The following TRERF1 variants were observed in gnomAD, a reference collection of about 807,000 sequenced individuals.
TRERF1 encodes the protein transcriptional-regulating factor 1.
Under a neutral mutation model 122.9 loss-of-function variants are expected in TRERF1, and 27 were observed. The ratio of observed to expected loss-of-function variants is 0.22; its 90% confidence interval spans 0.16 to 0.30. TRERF1 has a LOEUF of 0.30. Among genes scored for constraint, TRERF1 ranks in the 10% least tolerant of loss-of-function variants. The pLI, the probability that TRERF1 is intolerant of heterozygous loss-of-function variation, is 1.00. For synonymous variants in TRERF1, 636 were observed against 641.7 expected (o/e 0.99, Z 0.13); for missense variants, 1,248 against 1,560.3 (o/e 0.80, Z 3.37).
chr6:42,255,074 A>G, intron 12 of TRERF1, 148 bp from the exon 13 acceptor site: 2 of 691,778 alleles, frequency 2.9e-6, no homozygotes, highest in Non-Finnish European at 5.1e-6. Context: ...GACTCCCCTA[A>G]CTAGGGTTTC....
chr6:42,417,551 G>A (rs1347229106), intron 2 of TRERF1, among the ~76,000 whole-genome samples: 1 of 152,212 alleles, frequency 6.6e-6, no homozygotes, highest in Non-Finnish European at 1.5e-5. Context: ...AAACAGTGCA[G>A]CAGAGAGTGG....
intron 2 of TRERF1, among the ~76,000 whole-genome samples, chr6:42,445,624 C>T (rs1314824315): frequency 6.6e-6 from 1 of 152,108 alleles, no homozygotes; most frequent in African/African-American, 2.4e-5. Context: ...CCTCCCTCTC[C>T]CAATCTTTCT....
At chr6:42,299,104 CTGTCTGTCTG>C (rs1785602678) in intron 4 of TRERF1, among the ~76,000 whole-genome samples, 1 of 115,632 alleles carries the variant, frequency 8.6e-6, no homozygotes, top group African/African-American at 3.9e-5. Context: ...ATCTGTCTGT[CTGTCTGTCTG>C]TCTCTATCTA....
chr6:42,413,257 G>T (rs572956197), intron 2 of TRERF1, among the ~76,000 whole-genome samples: 40 of 152,140 alleles, frequency 2.6e-4, no homozygotes, highest in African/African-American at 9.4e-4. Context: ...TTCAATACTG[G>T]ATACTTGGGT....
chr6:42,280,897 T>C (rs1423028067), intron 4 of TRERF1, among the ~76,000 whole-genome samples: 1 of 152,212 alleles, frequency 6.6e-6, no homozygotes, highest in Admixed American at 6.5e-5. Flanking sequence ...AAAAACAGTA[T>C]GTTTTAATTC....
intron 3 of TRERF1, among the ~76,000 whole-genome samples, chr6:42,329,703 T>A (rs1034960577): frequency 2.0e-5 from 3 of 152,104 alleles, no homozygotes; most frequent in African/African-American, 4.8e-5. Flanking sequence ...GAAAATGTAC[T>A]GATTTGGCTG....
At position 42,276,927 on chromosome 6, in the gene TRERF1, G is replaced by C. The variant is rs1371698244; in HGVS notation, c.-258-7079C>G. ...CGCATAGCTCAGGAACCTGCAAAAT[G>C]GAGGGTTTGGATTTTGCTTCCTGCA... is the stretch of plus-strand genomic sequence containing the variant. On this transcript the variant is annotated intron_variant, in intron 4 of 17. Coordinates refer to ENST00000372922, the Ensembl canonical transcript of TRERF1. This position sits in a 1 kb window ranked among gnomAD's most constrained non-coding sequence, Gnocchi z 4.3. 6.6e-6 allele frequency among the ~76,000 whole-genome samples: 1 copy of C among 152,198 alleles called. No individual in the cohort carries two copies. The highest frequency in any genetic ancestry group is 1.5e-5 in the Non-Finnish European group (1 of 68,042).
chr6:42,312,301 G>A, intron 3 of TRERF1, among the ~76,000 whole-genome samples: 1 of 152,188 alleles, frequency 6.6e-6, no homozygotes, highest in South Asian at 2.1e-4. Context: ...AGCCCCAGCT[G>A]TTCTGCTCCA....
chr6:42,384,193 T>G (rs1465510803), intron 2 of TRERF1, among the ~76,000 whole-genome samples: 1 of 152,180 alleles, frequency 6.6e-6, no homozygotes, highest in African/African-American at 2.4e-5. Flanking sequence ...GTATGATTTA[T>G]GACAAAGGAT....
intron 2 of TRERF1, among the ~76,000 whole-genome samples, chr6:42,441,723 A>T (rs1259938724): frequency 1.3e-5 from 2 of 152,118 alleles, no homozygotes; most frequent in African/African-American, 4.8e-5. Flanking sequence ...TTACAGCACT[A>T]ACTAGTGTCA....
intron 13 of TRERF1, among the ~76,000 whole-genome samples, chr6:42,246,790 G>A (rs1774878740): frequency 6.6e-6 from 1 of 152,156 alleles, no homozygotes; most frequent in Non-Finnish European, 1.5e-5. Flanking sequence ...ACCTACAAAT[G>A]GGAATAACTA....
intron 2 of TRERF1, among the ~76,000 whole-genome samples, chr6:42,438,218 G>C (rs547268560): frequency 6.6e-6 from 1 of 151,656 alleles, no homozygotes; most frequent in Admixed American, 6.6e-5. Flanking sequence ...CACCGTGAGC[G>C]GCTTGCAGCT....
chr6:42,229,233 G>A (rs1472672445), intron 17 of TRERF1, among the ~76,000 whole-genome samples: 1 of 152,062 alleles, frequency 6.6e-6, no homozygotes, highest in Non-Finnish European at 1.5e-5. Flanking sequence ...GAACTCCTGG[G>A]CTCAAGTGAT....
intron 3 of TRERF1, among the ~76,000 whole-genome samples, chr6:42,349,513 T>C (rs1219899256): frequency 1.3e-5 from 2 of 152,112 alleles, no homozygotes; most frequent in Admixed American, 1.3e-4. Flanking sequence ...ACGAAACCTG[T>C]GGCTCCATAA....
chr6:42,344,520 TA>T (rs1767903677), intron 3 of TRERF1, among the ~76,000 whole-genome samples: 1 of 152,168 alleles, frequency 6.6e-6, no homozygotes, highest in South Asian at 2.1e-4. Flanking sequence ...ATATGGTATA[TA>T]AATGGTGGTG....
At chr6:42,402,803 G>A (rs1779586058) in intron 2 of TRERF1, among the ~76,000 whole-genome samples, 1 of 152,104 alleles carries the variant, frequency 6.6e-6, no homozygotes, top group Non-Finnish European at 1.5e-5. Flanking sequence ...TCTAAGTCCG[G>A]ACTAGCTGCT....
At chr6:42,225,949 A>G (rs1284825926) in exon 18 of TRERF1, 1 of 152,234 alleles carries the variant, frequency 6.6e-6, no homozygotes, top group Non-Finnish European at 1.5e-5. Flanking sequence ...GACATTAACC[A>G]TTAGGAAGAA....
At chr6:42,334,940 T>A (rs955037803) in intron 3 of TRERF1, among the ~76,000 whole-genome samples, 4 of 152,222 alleles carry the variant, frequency 2.6e-5, no homozygotes, top group African/African-American at 9.6e-5. Flanking sequence ...GTGATGGGAA[T>A]TGGCCCAGAT....
intron 2 of TRERF1, among the ~76,000 whole-genome samples, chr6:42,386,572 A>C (rs772724093): frequency 4.6e-5 from 7 of 152,356 alleles, no homozygotes; most frequent in Non-Finnish European, 5.9e-5. Context: ...GCGTGGACAA[A>C]AGGCACTGGA....
Sources: allele counts gnomAD v4.1 joint callset (sites outside exome capture counted in the v4.1 genomes callset), GRCh38; gene constraint gnomAD v4.1.1; non-coding constraint Gnocchi (gnomAD v3.1); transcripts MANE v1.5; gene names NCBI Gene and HGNC (gene_info 2026-07-23, HGNC 2026-07-21).